The following LONP2 variants were observed in gnomAD, a reference collection of about 807,000 sequenced individuals.
The protein encoded by LONP2 is lon peptidase 2, peroxisomal.
LONP2 carries 60 observed loss-of-function variants against 85.6 expected under a neutral mutation model. The observed-to-expected ratio is 0.70, with a 90% CI of 0.57 to 0.87. LONP2 has a LOEUF of 0.87. Ranked by LOEUF, LONP2 falls within the 40% of genes least tolerant of loss-of-function variation. The probability of loss-of-function intolerance (pLI) is 0.00; values close to 1 mark genes in which losing one functional copy is unlikely to be tolerated. For missense variants in LONP2, 860 were observed against 1,063.5 expected (o/e 0.81, Z 2.66); for synonymous variants, 395 against 389.7 (o/e 1.01, Z -0.16).
chr16:48,351,103 G>A (rs972064849), intron 14 of LONP2, among the ~76,000 whole-genome samples: 2 of 152,212 alleles, frequency 1.3e-5, no homozygotes, highest in Non-Finnish European at 2.9e-5. Context: ...CACCATAGGA[G>A]CCTAGTTTAG....
chr16:48,246,216 A>G (rs186421837), intron 1 of LONP2, among the ~76,000 whole-genome samples: 102 of 152,322 alleles, frequency 6.7e-4, no homozygotes, highest in African/African-American at 2.4e-3. Flanking sequence ...TTTCTCAAGC[A>G]TGGAAAATAT....
intron 11 of LONP2, among the ~76,000 whole-genome samples, chr16:48,303,598 T>C (rs1972853141): frequency 6.6e-6 from 1 of 152,156 alleles, no homozygotes; most frequent in African/African-American, 2.4e-5. Flanking sequence ...GATGTGTATA[T>C]GAAGAAGAGT....
Position 48,269,125 on chromosome 16 carries a change from G to A in LONP2, c.983-891G>A, listed in dbSNP as rs74016362. Among the ~76,000 whole-genome samples, 8 of 151,558 alleles carry A rather than the reference G, an allele frequency of 5.3e-5. No individual in the cohort carries two copies. In the South Asian group the frequency reaches 1.7e-3, roughly 32 times the overall value. ...TTGAAAGCTTGGCTCTAGAAACAAAGCCTAACTCATACACTTCTGGTGAGA... is the reference window on the plus strand; with the variant it reads ...TTGAAAGCTTGGCTCTAGAAACAAAACCTAACTCATACACTTCTGGTGAGA... On this transcript the variant is annotated intron_variant, in intron 6 of 14. Transcript: ENST00000285737.
intron 11 of LONP2, among the ~76,000 whole-genome samples, chr16:48,324,393 A>G (rs1475206556): frequency 6.6e-6 from 1 of 152,162 alleles, no homozygotes; most frequent in Non-Finnish European, 1.5e-5. Context: ...CCCCTCTGCC[A>G]TGTTGTTATT....
At position 48,355,517 on chromosome 16, in the gene LONP2, T is replaced by C. The variant is rs908119420; in HGVS notation, c.*3715T>C. On this transcript the variant is annotated 3_prime_UTR_variant, in exon 15 of 15. Transcript: ENST00000285737. The stretch of plus-strand genomic sequence containing the variant: ...TACTTTTAAATTACCCAGTCTCAGG[T>C]ATTCTGTTACGGTTAACACAAATGA... 7 of 152,202 alleles carry C rather than the reference T, an allele frequency of 4.6e-5. No homozygotes were observed. The highest frequency in any genetic ancestry group is 3.9e-4 in the Admixed American group (6 of 15,280). The allele number at this position is 152,202 out of a possible 1,614,324, so 9.4% of individuals were successfully genotyped here.
At chr16:48,295,710 C>A (rs956338645) in intron 8 of LONP2, among the ~76,000 whole-genome samples, 15 of 152,198 alleles carry the variant, frequency 9.9e-5, no homozygotes, top group African/African-American at 3.4e-4. Flanking sequence ...GGACTGGTAA[C>A]TTATGATGGC....
chr16:48,299,897 A>G lies in LONP2; in HGVS notation c.1661+109A>G, dbSNP rs187126224. The stretch of plus-strand genomic sequence containing the variant: ...ATATTTGAGTTTTTCATCTTTTGAG[A>G]TAAGCCACAGTCTCCTGAAAAGGAG... On this transcript the variant is annotated intron_variant, in intron 10 of 14. Transcript: ENST00000285737. 160 of 1,142,050 alleles carry G rather than the reference A, an allele frequency of 1.4e-4. No homozygotes were observed. In the African/African-American group the frequency reaches 2.3e-3, roughly 16 times the overall value. 70.7% of individuals were successfully genotyped at this position (1,142,050 alleles called of 1,614,324 possible).
At chr16:48,253,029 G>T (rs1971686184) in intron 2 of LONP2, among the ~76,000 whole-genome samples, 1 of 152,082 alleles carries the variant, frequency 6.6e-6, no homozygotes, top group Admixed American at 6.6e-5. Context: ...GATCTATGAG[G>T]ATCAGATAAT....
At chr16:48,300,801 A>G (rs548400735) in intron 10 of LONP2, among the ~76,000 whole-genome samples, 6 of 152,346 alleles carry the variant, frequency 3.9e-5, no homozygotes, top group African/African-American at 1.4e-4. Flanking sequence ...CAACAATATC[A>G]TTATTCCAGA....
At position 48,303,114 on chromosome 16, in the gene LONP2, C is replaced by T. The variant is rs1483452027; in HGVS notation, c.1662-58C>T. On this transcript the variant is annotated intron_variant, in intron 10 of 14. Coordinates refer to ENST00000285737, the MANE Select transcript of LONP2 (RefSeq NM_031490.5). ...TTACCAAAAATGTTAATCACATTAC[C>T]TCTCTATTTTTTTAAGTGGTATATA... 4 of 1,572,736 alleles carry T rather than the reference C, an allele frequency of 2.5e-6. No homozygotes were observed. The Admixed American group carries it at 5.1e-5, about 20-fold the overall frequency.
intron 12 of LONP2, chr16:48,344,550 C>T (rs1167901496): frequency 6.6e-6 from 1 of 152,200 alleles, no homozygotes; most frequent in Non-Finnish European, 1.5e-5. Context: ...TGCTTCTACC[C>T]AAAGTACCAA....
intron 7 of LONP2, among the ~76,000 whole-genome samples, chr16:48,274,345 C>A (rs1363692616): frequency 2.0e-5 from 3 of 152,000 alleles, no homozygotes; most frequent in Non-Finnish European, 4.4e-5. Context: ...TCGTCTATCT[C>A]CTTTATGTAC....
At chr16:48,305,168 T>TTCA (rs1375945615) in intron 11 of LONP2, among the ~76,000 whole-genome samples, 22 of 152,234 alleles carry the variant, frequency 1.4e-4, no homozygotes, top group Admixed American at 1.4e-3. Context: ...AGGCAGTGCC[T>TTCA]TCATTATGTG....
intron 11 of LONP2, among the ~76,000 whole-genome samples, chr16:48,330,887 T>C (rs563506074): frequency 6.6e-6 from 1 of 152,272 alleles, no homozygotes; most frequent in South Asian, 2.1e-4. Context: ...TAGAAATAGC[T>C]CTCCCAACCC....
At chr16:48,258,815 G>T in intron 4 of LONP2, 75 bp downstream of exon 4, 2 of 1,361,446 alleles carry the variant, frequency 1.5e-6, no homozygotes, top group South Asian at 1.6e-5. Context: ...AAGAAGAAAA[G>T]TTTATTGTCT....
Position 48,258,754 on chromosome 16 carries a change from T to G in LONP2, c.723+14T>G. ...GATGATAAGAGGGTAAATATTTATT[T>G]TAACCCATTTCAGTTTTGAAAAAAA... On this transcript the variant is annotated intron_variant, in intron 4 of 14. Coordinates refer to ENST00000285737, the MANE Select transcript of LONP2 (RefSeq NM_031490.5). The G allele has an allele frequency of 6.3e-7, 1 of 1,584,170 alleles. No homozygotes were observed. Among genetic ancestry groups the G allele is most frequent in the Non-Finnish European group, 8.5e-7 (1 of 1,171,084 alleles).
chr16:48,351,187 A>T (rs1960133115), intron 14 of LONP2, among the ~76,000 whole-genome samples: 1 of 152,216 alleles, frequency 6.6e-6, no homozygotes, highest in Admixed American at 6.5e-5. Flanking sequence ...ACCCCAGCAC[A>T]CAGCTAAGCT....
chr16:48,299,940 C>CCATAGCAT (rs1239863976), intron 10 of LONP2, 152 bp downstream of exon 10: 7 of 696,580 alleles, frequency 1.0e-5, no homozygotes, highest in Non-Finnish European at 1.4e-5. Context: ...TATTGGCATC[C>CCATAGCAT]CATAGCATCC....
At chr16:48,331,089 G>C (rs1419054856) in intron 11 of LONP2, among the ~76,000 whole-genome samples, 1 of 152,238 alleles carries the variant, frequency 6.6e-6, no homozygotes, top group Non-Finnish European at 1.5e-5. Flanking sequence ...CCACAGACTA[G>C]AGAAACTTGT....
Sources: allele counts gnomAD v4.1 joint callset (sites outside exome capture counted in the v4.1 genomes callset), GRCh38; gene constraint gnomAD v4.1.1; transcripts MANE v1.5; gene names NCBI Gene and HGNC (gene_info 2026-07-23, HGNC 2026-07-21).